The following BAHCC1 variants were observed in gnomAD, a reference collection of about 807,000 sequenced individuals.
BAHCC1 encodes BAH domain and coiled-coil containing 1, also known as BAH and coiled-coil domain-containing protein 1.
Under a neutral mutation model 88.2 loss-of-function variants are expected in BAHCC1, and 43 were observed. The ratio of observed to expected loss-of-function variants is 0.49; its 90% CI spans 0.38 to 0.63. BAHCC1 has a LOEUF of 0.63. Among genes scored for constraint, BAHCC1 ranks in the 20% least tolerant of loss-of-function variants. The pLI is 0.00. For missense variants in BAHCC1, 3,023 were observed against 1,654.8 expected (o/e 1.83, Z -14.34); for synonymous variants, 1,510 against 745.5 (o/e 2.03, Z -16.71).
At chr17:81,400,903 A>T (rs1338058249) in intron 2 of BAHCC1, 1 of 153,688 alleles carries the variant, frequency 6.5e-6, no homozygotes, top group African/African-American at 2.4e-5. Flanking sequence ...GCGCGGGTAG[A>T]TTCGGGGGAA....
chr17:81,417,561 C>CG (rs1555648943), intron 2 of BAHCC1, among the ~76,000 whole-genome samples: 1 of 45,402 alleles, frequency 2.2e-5, no homozygotes, highest in Non-Finnish European at 6.2e-5. Context: ...GGCCACCCCC[C>CG]CCCCGCCCTA....
intron 2 of BAHCC1, among the ~76,000 whole-genome samples, chr17:81,413,835 C>T (rs1555648211): frequency 1.3e-5 from 2 of 152,226 alleles, no homozygotes; most frequent in African/African-American, 4.8e-5. Flanking sequence ...GCGCAGGGCT[C>T]GCTATGGGGT....
rs374127888 is a variant in BAHCC1 at position 81,442,863 on chromosome 17, G to A, written c.1514G>A (p.Arg505Gln). 3.6e-5 allele frequency: 28 copies of A among 779,358 alleles called. No individual in the cohort carries two copies. In the African/African-American group the frequency reaches 3.9e-4, roughly 11 times the overall value. The allele number at this position is 779,358 out of a possible 1,614,324, so 48.3% of individuals were successfully genotyped here. The change falls in exon 5 of 28, where the codon CGG (arginine) becomes CAG (glutamine). Residue 505 changes from arginine (R) to glutamine (Q), a missense_variant. By Grantham distance (43) the Arg-to-Gln change is conservative. Coordinates refer to ENST00000675386, the MANE Select transcript of BAHCC1 (RefSeq NM_001377448.1). Reference protein sequence around the residue: ...ELPTSSQDCARPGHQDPLGGK... With the variant: ...ELPTSSQDCAQPGHQDPLGGK... Reference sequence around the variant, plus strand: ...CCCACCTCTTCACAGGACTGTGCCCGGCCTGGTCACCAGGACCCGCTGGGC... The same window carrying A: ...CCCACCTCTTCACAGGACTGTGCCCAGCCTGGTCACCAGGACCCGCTGGGC...
intron 2 of BAHCC1, among the ~76,000 whole-genome samples, chr17:81,420,952 T>C (rs1555649513): frequency 1.3e-5 from 2 of 152,224 alleles, no homozygotes; most frequent in Non-Finnish European, 2.9e-5. Context: ...AGCGGAGCAC[T>C]TGGGGCTATG....
intron 2 of BAHCC1, chr17:81,415,601 G>A (rs1555648514): frequency 3.9e-6 from 2 of 507,340 alleles, no homozygotes; most frequent in Non-Finnish European, 7.8e-6. Context: ...ACTACAGCCT[G>A]AGCCAACCTC....
intron 2 of BAHCC1, among the ~76,000 whole-genome samples, chr17:81,424,212 C>T (rs2064148064): frequency 6.6e-6 from 1 of 152,326 alleles, no homozygotes; most frequent in Middle Eastern, 3.4e-3. Context: ...GGGATGAAGA[C>T]CCCACTCAGG....
intron 2 of BAHCC1, among the ~76,000 whole-genome samples, chr17:81,419,922 C>T (rs1472055960): frequency 1.3e-5 from 2 of 152,140 alleles, no homozygotes; most frequent in South Asian, 2.1e-4. Flanking sequence ...GGCTCCCGGG[C>T]CCTGCCGTCC....
rs749601125 is a variant in BAHCC1 at position 81,464,308 on chromosome 17, G to A, written c.*491G>A. 4.5e-4 allele frequency: 83 copies of A among 185,640 alleles called. 2 individuals carry two copies. The highest frequency in any genetic ancestry group is 3.8e-3 in the Admixed American group (71 of 18,756). The allele number at this position is 185,640 out of a possible 1,614,324, so 11.5% of individuals were successfully genotyped here. A position where few individuals can be genotyped will look rare whatever the true frequency, so the allele number is the denominator to read the frequency against. ...TGTGTGAGCGTGTATGTGTGTGCGC[G>A]TGTGTGGCGATTTTTGTCCTGGGGT... On this transcript the variant is annotated 3_prime_UTR_variant, in exon 28 of 28. Coordinates refer to ENST00000675386, the MANE Select transcript of BAHCC1 (RefSeq NM_001377448.1).
chr17:81,430,031 C>T (rs1340014415), intron 3 of BAHCC1, among the ~76,000 whole-genome samples: 3 of 152,246 alleles, frequency 2.0e-5, no homozygotes, highest in East Asian at 1.9e-4. Flanking sequence ...GCAGCTTACC[C>T]GAGGCTCGCG....
At chr17:81,397,467 C>T (rs2063758013) in intron 1 of BAHCC1, among the ~76,000 whole-genome samples, 1 of 152,070 alleles carries the variant, frequency 6.6e-6, no homozygotes, top group Non-Finnish European at 1.5e-5. Flanking sequence ...GCCAGGAAGC[C>T]TGGCACCCCC....
At chr17:81,413,102 G>A (rs1555648078) in intron 2 of BAHCC1, 4 of 445,554 alleles carry the variant, frequency 9.0e-6, no homozygotes, top group South Asian at 4.8e-5. Flanking sequence ...CAGGGTCCAG[G>A]GTTATCAGGG....
chr17:81,422,124 G>A lies in BAHCC1; in HGVS notation c.179-4676G>A, dbSNP rs144037252. 5.0e-3 allele frequency among the ~76,000 whole-genome samples: 767 copies of A among 152,098 alleles called. 4 individuals carry two copies. Among genetic ancestry groups the A allele is most frequent in the Middle Eastern group, 0.01 (3 of 294 alleles). The stretch of plus-strand genomic sequence containing the variant: ...CCTCCCAGATTCAAGCAATTCTCCC[G>A]CCTCAGCCTCCCAAATAGCTGGGAT... On this transcript the variant is annotated intron_variant, in intron 2 of 27. Transcript: ENST00000675386.
At chr17:81,420,168 C>G (rs1361627417) in intron 2 of BAHCC1, among the ~76,000 whole-genome samples, 3 of 152,230 alleles carry the variant, frequency 2.0e-5, no homozygotes, top group African/African-American at 7.2e-5. Flanking sequence ...TGCTCTGTAC[C>G]CCTCAGGCTG....
intron 26 of BAHCC1, 196 bp from the exon 27 acceptor site, chr17:81,462,544 C>T (rs967851906): frequency 2.2e-5 from 13 of 579,296 alleles, no homozygotes; most frequent in South Asian, 1.7e-4. Flanking sequence ...TCCGTGGAGG[C>T]GTGGCCCCTG....
At chr17:81,427,912 C>G (rs2064219590) in intron 3 of BAHCC1, among the ~76,000 whole-genome samples, 1 of 152,224 alleles carries the variant, frequency 6.6e-6, no homozygotes, top group Non-Finnish European at 1.5e-5. Flanking sequence ...GAGATTAGCA[C>G]CCGGCACTGC....
rs1598523454 is a variant in BAHCC1, at chr17:81,465,700, G to A, written c.*1883G>A. The A allele has an allele frequency of 6.6e-6, 1 of 152,302 alleles. No homozygotes were observed. The highest frequency in any genetic ancestry group is 6.5e-5 in the Admixed American group (1 of 15,290). The allele number at this position is 152,302 out of a possible 1,614,324, so 9.4% of individuals were successfully genotyped here. A position where few individuals can be genotyped will look rare whatever the true frequency, so the allele number is the denominator to read the frequency against. ...ATTTTTCTCGGGCCCATTGGGGCCTGTTTCTCACCTGCTGGCTGGACCCCC... is the reference window on the plus strand; with the variant it reads ...ATTTTTCTCGGGCCCATTGGGGCCTATTTCTCACCTGCTGGCTGGACCCCC... On this transcript the variant is annotated 3_prime_UTR_variant, in exon 28 of 28. Transcript: ENST00000675386.
rs556035354 is a variant in BAHCC1, at chr17:81,464,611, T to C, written c.*794T>C. On this transcript the variant is annotated 3_prime_UTR_variant, in exon 28 of 28. Transcript: ENST00000675386. ...AAGAGGCAAAGCCCAGACCAGGGAGTGTGACAACAGCCGTGAGCATCTCAC... is the reference window on the plus strand; with the variant it reads ...AAGAGGCAAAGCCCAGACCAGGGAGCGTGACAACAGCCGTGAGCATCTCAC... 4.5e-4 allele frequency: 68 copies of C among 152,174 alleles called. No homozygotes were observed. Among genetic ancestry groups the C allele is most frequent in the African/African-American group, 1.6e-3 (66 of 41,388 alleles). The allele number at this position is 152,174 out of a possible 1,614,324, so 9.4% of individuals were successfully genotyped here.
rs2064307982 is a variant in BAHCC1, at chr17:81,434,374, C to G, written c.359-3996C>G. Among the ~76,000 whole-genome samples, 1 of 152,188 alleles carries G rather than the reference C, an allele frequency of 6.6e-6. No homozygotes were observed. Among genetic ancestry groups the G allele is most frequent in the Admixed American group, 6.5e-5 (1 of 15,286 alleles). ...CAGGTCGAGGCTCAGCCGTGGGAGGCCAGCGTGGCAGACCTTCCCCCAGGG... is the reference window on the plus strand; with the variant it reads ...CAGGTCGAGGCTCAGCCGTGGGAGGGCAGCGTGGCAGACCTTCCCCCAGGG... On this transcript the variant is annotated intron_variant, in intron 3 of 27. Transcript: ENST00000675386. The surrounding 1 kb of genome is among the most constrained non-coding windows in gnomAD (Gnocchi z 4.9).
At position 81,399,844 on chromosome 17, in the gene BAHCC1, C is replaced by A; in HGVS notation, c.105C>A (p.Pro35=). ...AAAARLAPAG[P]AAQPPAHFQP... is the part of the protein sequence containing the mutation. The stretch of plus-strand genomic sequence containing the variant: ...CCGCGCGTCTCGCCCCGGCTGGGCC[C>A]GCCGCGCAGCCCCCCGCACACTTCC... Residue 35 remains proline (P), a synonymous_variant, in exon 2 of 28, where the codon CCC becomes CCA. Transcript: ENST00000675386. The surrounding 1 kb of genome is among the most constrained non-coding windows in gnomAD (Gnocchi z 4.5). 1 of 1,370,530 alleles carries A rather than the reference C, an allele frequency of 7.3e-7. No homozygotes were observed. Among genetic ancestry groups the A allele is most frequent in the Non-Finnish European group, 9.4e-7 (1 of 1,060,426 alleles). 84.9% of individuals were successfully genotyped at this position (1,370,530 alleles called of 1,614,324 possible).
Sources: gnomAD v4.1 joint callset for allele counts (sites outside exome capture counted in the v4.1 genomes callset) on GRCh38, gnomAD v4.1.1 for gene constraint, Gnocchi (gnomAD v3.1) non-coding constraint, MANE v1.5 for transcripts, NCBI Gene and HGNC (gene_info 2026-07-23, HGNC 2026-07-21) for gene names.